NECAB2: variants seen among roughly 807,000 people sequenced by gnomAD.
NECAB2 encodes the protein N-terminal EF-hand calcium-binding protein 2.
NECAB2 carries 68 observed loss-of-function variants against 51.9 expected under a neutral mutation model. The observed-to-expected ratio is 1.31, with a 90% CI of 1.08 to 1.60. The LOEUF (loss-of-function observed/expected upper bound fraction) is 1.60. NECAB2 is among the 40% of genes most tolerant of loss of function. The pLI is 0.00. For missense variants in NECAB2, 854 were observed against 490.3 expected (o/e 1.74, Z -7.00); for synonymous variants, 329 against 203.5 (o/e 1.62, Z -5.25).
At position 83,994,672 on chromosome 16, in the gene NECAB2, G is replaced by A. The variant is rs146170266; in HGVS notation, c.779G>A (p.Gly260Glu). ...ATCAGCCGCTTGGCAGAGCTGATTG[G>A]GAGGCTGGAGAGCAAAGTAAGCCCT... ...AQISRLAELI[G>E]RLESKALWFD... Residue 260 changes from glycine to glutamate, a missense_variant, in exon 8 of 13, where the codon GGG becomes GAG. Transcript: ENST00000305202. 6.8e-6 allele frequency: 11 copies of A among 1,613,972 alleles called. No individual in the cohort carries two copies. The African/African-American group carries it at 1.3e-4, about 20-fold the overall frequency.
Position 83,980,880 on chromosome 16 carries a change from T to C in NECAB2, c.361+16T>C, listed in dbSNP as rs1339425020. ...GAGCTGTGTGGTAGGTGCCTGGCTA[T>C]GCTGGGACCAAGATGGGGATGCTGG... On this transcript the variant is annotated intron_variant, in intron 4 of 12. Coordinates refer to ENST00000305202, the MANE Select transcript of NECAB2 (RefSeq NM_019065.3). 1.9e-6 allele frequency: 3 copies of C among 1,612,810 alleles called. No individual in the cohort carries two copies. Among genetic ancestry groups the C allele is most frequent in the Non-Finnish European group, 2.5e-6 (3 of 1,179,236 alleles).
Position 83,998,832 on chromosome 16 carries a change from G to A in NECAB2, c.962+515G>A, listed in dbSNP as rs147981441. On this transcript the variant is annotated intron_variant, in intron 10 of 12. Coordinates refer to ENST00000305202, the MANE Select transcript of NECAB2 (RefSeq NM_019065.3). ...CCTGATGTGCTGAGATGTCCAGGGC[G>A]GGGCAAGCGGCCTTACCTTCAAATT... Among the ~76,000 whole-genome samples the A allele has an allele frequency of 1.6e-3, 238 of 152,298 alleles. 2 individuals are homozygous for A. Among genetic ancestry groups the A allele is most frequent in the African/African-American group, 5.3e-3 (220 of 41,538 alleles).
At chr16:83,966,810 C>G (rs897696659), upstream of NECAB2, among the ~76,000 whole-genome samples, 3 of 152,210 alleles carry the variant, frequency 2.0e-5, no homozygotes, top group Admixed American at 2.0e-4. Context: ...GACACAAACC[C>G]CTCCACTGCC....
chr16:83,990,783 T>G (rs1440142094), intron 6 of NECAB2, among the ~76,000 whole-genome samples, 153 bp downstream of exon 6: 1 of 152,038 alleles, frequency 6.6e-6, no homozygotes, highest in Non-Finnish European at 1.5e-5. Flanking sequence ...CTCCATTATG[T>G]AATATAGGCA....
chr16:83,991,814 C>CTTTTTT (rs1362219666), intron 6 of NECAB2, among the ~76,000 whole-genome samples: 1 of 142,798 alleles, frequency 7.0e-6, no homozygotes, highest in African/African-American at 2.8e-5. Context: ...CCACACCCAG[C>CTTTTTT]TATTTTTTTT....
At chr16:83,998,848 C>A (rs2084762781) in intron 10 of NECAB2, among the ~76,000 whole-genome samples, 1 of 152,172 alleles carries the variant, frequency 6.6e-6, no homozygotes, top group East Asian at 1.9e-4. Context: ...AGCGGCCTTA[C>A]CTTCAAATTC....
chr16:83,974,041 C>T (rs989308611), intron 2 of NECAB2, among the ~76,000 whole-genome samples: 5 of 149,640 alleles, frequency 3.3e-5, no homozygotes, highest in East Asian at 1.9e-4. Context: ...TGTGTCCACC[C>T]CCTGAGCACA....
intron 3 of NECAB2, 93 bp from the exon 4 acceptor site, chr16:83,980,746 C>G (rs757946047): frequency 1.5e-4 from 222 of 1,472,854 alleles, no homozygotes; most frequent in Non-Finnish European, 2.0e-4. Context: ...CTGCAAAGAG[C>G]AGGCAGGATG....
chr16:83,984,679 C>G (rs761742907), intron 5 of NECAB2, among the ~76,000 whole-genome samples: 18 of 152,006 alleles, frequency 1.2e-4, no homozygotes, highest in Non-Finnish European at 2.2e-4. Context: ...TGCAGTGAGG[C>G]ACAGCATGCC....
At chr16:83,993,313 T>G (rs1484321831) in intron 6 of NECAB2, 3 of 152,188 alleles carry the variant, frequency 2.0e-5, no homozygotes, top group Non-Finnish European at 1.5e-5. Context: ...ATTGACACCA[T>G]AAAGACTCTG....
At chr16:83,981,403 C>T (rs763441983) in intron 5 of NECAB2, among the ~76,000 whole-genome samples, 3 of 147,346 alleles carry the variant, frequency 2.0e-5, no homozygotes, top group Admixed American at 2.0e-4. Flanking sequence ...TCACCCTGTG[C>T]CCTTAAGGGG....
At chr16:83,965,485 C>T, upstream of NECAB2, 4 of 1,610,150 alleles carry the variant, frequency 2.5e-6, no homozygotes, top group Non-Finnish European at 3.4e-6. Flanking sequence ...TCCTCTACGC[C>T]CGCCACTACA....
Position 83,994,403 on chromosome 16 carries a change from G to A in NECAB2, c.698G>A (p.Gly233Asp), listed in dbSNP as rs2084667938. The A allele has an allele frequency of 1.2e-6, 2 of 1,614,128 alleles. No homozygotes were observed. The highest frequency in any genetic ancestry group is 2.7e-5 in the African/African-American group (2 of 75,046). ...PNHKLMAMEQGKTLPSATEDA... is the reference protein window; with the variant it reads ...PNHKLMAMEQDKTLPSATEDA... ...CACAAGCTCATGGCTATGGAACAAG[G>A]CAAGACCCTTCCATCTGGTGAGAGA... Residue 233 changes from glycine (G) to aspartate (D), a missense_variant, in exon 7 of 13, where the codon GGC becomes GAC. Coordinates refer to ENST00000305202, the MANE Select transcript of NECAB2 (RefSeq NM_019065.3).
chr16:83,981,741 C>T (rs1035000210), intron 5 of NECAB2, among the ~76,000 whole-genome samples: 1 of 152,104 alleles, frequency 6.6e-6, no homozygotes, highest in Non-Finnish European at 1.5e-5. Flanking sequence ...ACTCCAGGCA[C>T]ACCCAGGAGG....
At chr16:83,985,751 T>C (rs2084544938) in intron 5 of NECAB2, among the ~76,000 whole-genome samples, 1 of 152,224 alleles carries the variant, frequency 6.6e-6, no homozygotes, top group African/African-American at 2.4e-5. Flanking sequence ...TTTCAGTTCA[T>C]TGTATTAAGA....
At chr16:83,974,992 GGGAATGTGAACCGGTGTGCA>G (rs2084390716) in intron 2 of NECAB2, among the ~76,000 whole-genome samples, 2 of 122,556 alleles carry the variant, frequency 1.6e-5, no homozygotes, top group African/African-American at 8.1e-5. Context: ...GTGTGGGTGC[GGGAATGTGAACCGGTGTGCA>G]GGGATGAGAG....
intron 5 of NECAB2, among the ~76,000 whole-genome samples, chr16:83,984,736 TAAAAA>T (rs1270740686): frequency 6.6e-6 from 1 of 152,052 alleles, no homozygotes; most frequent in African/African-American, 2.4e-5. Context: ...CTCTCAAAAA[TAAAAA>T]AATAAAATGT....
chr16:83,987,151 G>A (rs773468097), intron 5 of NECAB2, among the ~76,000 whole-genome samples: 9 of 152,084 alleles, frequency 5.9e-5, no homozygotes, highest in Non-Finnish European at 1.2e-4. Context: ...TCCTGAATAA[G>A]GAAAGACTTA....
At chr16:83,997,408 G>T (rs1185452488) in intron 9 of NECAB2, 139 bp downstream of exon 9, 1 of 1,084,390 alleles carries the variant, frequency 9.2e-7, no homozygotes. Context: ...CCAGCGCTTG[G>T]CACCCAGACC....
Sources: gnomAD v4.1 joint callset for allele counts (sites outside exome capture counted in the v4.1 genomes callset) on GRCh38, gnomAD v4.1.1 for gene constraint, MANE v1.5 for transcripts, NCBI Gene and HGNC (gene_info 2026-07-23, HGNC 2026-07-21) for gene names.